The following SEZ6L variants were observed in gnomAD, a reference collection of about 807,000 sequenced individuals.
The protein encoded by SEZ6L is seizure related 6 homolog like, also known as seizure 6-like protein.
A neutral mutation model predicts 106.2 loss-of-function variants in SEZ6L; 37 were observed. The observed-to-expected ratio is 0.35, with a 90% CI of 0.27 to 0.46. SEZ6L has a LOEUF of 0.46. Among genes scored for constraint, SEZ6L ranks in the 20% least tolerant of loss-of-function variants. The pLI, the probability that SEZ6L is intolerant of heterozygous loss-of-function variation, is 1.00. For synonymous variants in SEZ6L, 541 were observed against 570.4 expected, an observed-to-expected ratio of 0.95 and a Z score of 0.73; for missense variants, 1,172 against 1,332.8, an observed-to-expected ratio of 0.88 and a Z score of 1.88.
intron 1 of SEZ6L, among the ~76,000 whole-genome samples, chr22:26,243,928 C>A (rs5752289): frequency 6.6e-6 from 1 of 152,054 alleles, no homozygotes; most frequent in South Asian, 2.1e-4. Context: ...TTTGGGAGGC[C>A]GAGGTGGATA....
intron 1 of SEZ6L, among the ~76,000 whole-genome samples, chr22:26,288,898 T>A (rs963476571): frequency 7.2e-5 from 11 of 152,032 alleles, no homozygotes; most frequent in Non-Finnish European, 1.2e-4. Flanking sequence ...GCAAAGGAGC[T>A]GGCTGGCCAG....
chr22:26,313,667 A>G, intron 8 of SEZ6L, 97 bp from the exon 9 acceptor site: 2 of 1,448,496 alleles, frequency 1.4e-6, no homozygotes, highest in Non-Finnish European at 1.9e-6. Flanking sequence ...ACAGAGATTC[A>G]CGGCTGTCTG....
intron 13 of SEZ6L, among the ~76,000 whole-genome samples, chr22:26,367,326 G>T (rs897350003): frequency 3.3e-5 from 5 of 151,780 alleles, no homozygotes; most frequent in African/African-American, 9.7e-5. Context: ...GGTTTTTGTT[G>T]ATTTGTTTGT....
At chr22:26,301,708 G>A (rs2081460028) in intron 5 of SEZ6L, among the ~76,000 whole-genome samples, 1 of 151,936 alleles carries the variant, frequency 6.6e-6, no homozygotes, top group South Asian at 2.1e-4. Context: ...AAGTTGAGTA[G>A]GAAATAGACT....
At position 26,240,872 on chromosome 22, in the gene SEZ6L, G is replaced by C. The variant is rs1181983892; in HGVS notation, c.95-51534G>C. On this transcript the variant is annotated intron_variant, in intron 1 of 16. Coordinates refer to ENST00000248933, the MANE Select transcript of SEZ6L (RefSeq NM_021115.5). ...TGGGAGAAACGTGGAGCATGTCAAG[G>C]AGAGAGCAGGCAAGAGGGCATTCTG... Among the ~76,000 whole-genome samples the C allele has an allele frequency of 2.0e-5, 3 of 152,180 alleles. No individual in the cohort carries two copies. The East Asian group carries it at 5.8e-4, about 29-fold the overall frequency.
At chr22:26,229,098 G>A (rs946358433) in intron 1 of SEZ6L, among the ~76,000 whole-genome samples, 1 of 152,194 alleles carries the variant, frequency 6.6e-6, no homozygotes, top group Non-Finnish European at 1.5e-5. Context: ...CCAGGTTCAA[G>A]CGATTCTCCT....
chr22:26,365,829 A>C (rs2083791244), intron 13 of SEZ6L, among the ~76,000 whole-genome samples: 1 of 151,518 alleles, frequency 6.6e-6, no homozygotes, highest in Non-Finnish European at 1.5e-5. Context: ...AGCCTTGATC[A>C]TGCCACTGCA....
intron 5 of SEZ6L, among the ~76,000 whole-genome samples, chr22:26,299,764 A>C (rs2081396713): frequency 6.6e-6 from 1 of 152,212 alleles, no homozygotes; most frequent in South Asian, 2.1e-4. Flanking sequence ...TTCAGCTATT[A>C]TGAACAATGC....
At chr22:26,323,969 G>A (rs2082228133) in intron 9 of SEZ6L, among the ~76,000 whole-genome samples, 2 of 152,004 alleles carry the variant, frequency 1.3e-5, no homozygotes, top group Non-Finnish European at 2.9e-5. Context: ...AACTGAGGCT[G>A]AGAGAGATGA....
chr22:26,246,096 T>C (rs574452355), intron 1 of SEZ6L, among the ~76,000 whole-genome samples: 89 of 152,236 alleles, frequency 5.8e-4, no homozygotes, highest in Non-Finnish European at 1.1e-3. Flanking sequence ...TTGAAACTTA[T>C]TAGGCGAGGT....
intron 15 of SEZ6L, among the ~76,000 whole-genome samples, chr22:26,377,423 C>T (rs1001872361): frequency 6.6e-6 from 1 of 152,122 alleles, no homozygotes; most frequent in Non-Finnish European, 1.5e-5. Flanking sequence ...AATTAAGCTC[C>T]GCCCCCTCCC....
intron 1 of SEZ6L, among the ~76,000 whole-genome samples, chr22:26,204,578 C>T (rs1941183283): frequency 6.6e-6 from 1 of 152,222 alleles, no homozygotes; most frequent in Non-Finnish European, 1.5e-5. Flanking sequence ...GATGCCAGAG[C>T]CTTTGTTCTT....
At chr22:26,202,996 C>T (rs1445564898) in intron 1 of SEZ6L, among the ~76,000 whole-genome samples, 2 of 152,168 alleles carry the variant, frequency 1.3e-5, no homozygotes, top group Non-Finnish European at 2.9e-5. Context: ...CTGCTTACAC[C>T]ACTGAGGACA....
intron 1 of SEZ6L, among the ~76,000 whole-genome samples, chr22:26,224,426 CAGACACAGATCA>C: frequency 6.6e-6 from 1 of 152,156 alleles, no homozygotes; most frequent in Non-Finnish European, 1.5e-5. Context: ...GAGAAGGAGA[CAGACACAGATCA>C]TCTAGTGCCC....
chr22:26,308,295 G>A (rs1403920883), intron 6 of SEZ6L, among the ~76,000 whole-genome samples: 4 of 150,626 alleles, frequency 2.7e-5, no homozygotes, highest in Non-Finnish European at 4.4e-5. Flanking sequence ...ATTGGAGGAT[G>A]AGCACAAAGA....
chr22:26,314,665 T>A (rs889675550), intron 9 of SEZ6L, among the ~76,000 whole-genome samples: 1 of 152,138 alleles, frequency 6.6e-6, no homozygotes, highest in Non-Finnish European at 1.5e-5. Flanking sequence ...TCACAGGGGG[T>A]AACCATTAGA....
At chr22:26,236,583 G>A (rs1293522341) in intron 1 of SEZ6L, among the ~76,000 whole-genome samples, 36 of 140,298 alleles carry the variant, frequency 2.6e-4, no homozygotes, top group Non-Finnish European at 6.3e-5. Flanking sequence ...CCTTCAAAAA[G>A]TTGGTTATAG....
intron 1 of SEZ6L, among the ~76,000 whole-genome samples, chr22:26,267,803 G>C (rs972092580): frequency 2.6e-5 from 4 of 152,210 alleles, no homozygotes; most frequent in African/African-American, 4.8e-5. Context: ...GGTCAGATGA[G>C]AGGGGTCACC....
chr22:26,246,682 G>A (rs538694616), intron 1 of SEZ6L, among the ~76,000 whole-genome samples: 11 of 152,300 alleles, frequency 7.2e-5, no homozygotes, highest in African/African-American at 1.4e-4. Context: ...GGTGGTTGCC[G>A]TTAATTGAAT....
Sources: allele counts gnomAD v4.1 joint callset (sites outside exome capture counted in the v4.1 genomes callset), GRCh38; gene constraint gnomAD v4.1.1; transcripts MANE v1.5; gene names NCBI Gene and HGNC (gene_info 2026-07-23, HGNC 2026-07-21).